Variants in NLE1 observed in about 807,000 individuals in gnomAD.
NLE1 encodes notchless protein homolog 1.
Under a neutral mutation model 62.8 loss-of-function variants are expected in NLE1, and 37 were observed. The observed-to-expected ratio is 0.59, with a 90% CI of 0.45 to 0.78. NLE1 has a LOEUF of 0.78. NLE1 is among the 30% of genes least tolerant of loss of function. NLE1 has a pLI of 0.00. For synonymous variants in NLE1, 243 were observed against 253.0 expected (o/e 0.96, Z 0.37); for missense variants, 555 against 637.9 (o/e 0.87, Z 1.40).
rs746632705 is a variant in NLE1 at position 35,135,341 on chromosome 17, G to A, written c.1122C>T (p.Leu374=). 5 of 1,614,122 alleles carry A rather than the reference G, an allele frequency of 3.1e-6. No individual in the cohort carries two copies. In the South Asian group the frequency reaches 4.4e-5, roughly 14 times the overall value. ...PLTRMTGHQA[L]INQVLFSPDS... ...CAGGAGAGAAGAGCACCTGGTTGATGAGAGCTTGGTGTCCTGTCATCCGAG... is the reference window on the plus strand; with the variant it reads ...CAGGAGAGAAGAGCACCTGGTTGATAAGAGCTTGGTGTCCTGTCATCCGAG... Residue 374 remains leucine (L), a synonymous_variant, in exon 10 of 13, where the codon CTC becomes CTT. Transcript: ENST00000442241.
At chr17:35,133,815 A>G (rs533411059) in intron 10 of NLE1, among the ~76,000 whole-genome samples, 21 of 152,160 alleles carry the variant, frequency 1.4e-4, no homozygotes, top group Non-Finnish European at 2.6e-4. Context: ...TCATCCCCCC[A>G]AACAGCAAGT....
intron 4 of NLE1, 55 bp from the exon 5 acceptor site, chr17:35,137,945 GC>G: frequency 1.5e-6 from 2 of 1,306,890 alleles, no homozygotes; most frequent in Non-Finnish European, 1.1e-6. Context: ...TATCCCAAGT[GC>G]CCAGCAGTGC....
rs3736144 is a variant in NLE1 at position 35,129,340 on chromosome 17, G to T, written c.*3097C>A. 1.3e-6 allele frequency: 2 copies of T among 1,545,950 alleles called. No individual in the cohort carries two copies. The highest frequency in any genetic ancestry group is 1.8e-6 in the Non-Finnish European group (2 of 1,138,608). On this transcript the variant is annotated 3_prime_UTR_variant, in exon 13 of 13. Coordinates refer to ENST00000442241, the MANE Select transcript of NLE1 (RefSeq NM_018096.5). Reference sequence around the variant, plus strand: ...CAGGAGCAGGGGATGGGCATGGGACGTCCTGACCCCAGTTGGGAGGGTGAA... The same window carrying T: ...CAGGAGCAGGGGATGGGCATGGGACTTCCTGACCCCAGTTGGGAGGGTGAA...
chr17:35,129,454 G>A lies in NLE1; in HGVS notation c.*2983C>T, dbSNP rs199964483. 4.4e-4 allele frequency: 703 copies of A among 1,613,952 alleles called. 2 individuals carry two copies. Among genetic ancestry groups the A allele is most frequent in the Non-Finnish European group, 5.4e-4 (637 of 1,179,968 alleles). ...GGACCTACGCCTTGGGCAAGCAGCCGGTCAGTTTCTACCAGCTCCTGTTAC... is the reference window on the plus strand; with the variant it reads ...GGACCTACGCCTTGGGCAAGCAGCCAGTCAGTTTCTACCAGCTCCTGTTAC... On this transcript the variant is annotated 3_prime_UTR_variant, in exon 13 of 13. Transcript: ENST00000442241.
At chr17:35,136,921 G>A in intron 7 of NLE1, 80 bp downstream of exon 7, 1 of 1,306,094 alleles carries the variant, frequency 7.7e-7, no homozygotes, top group Middle Eastern at 2.0e-4. Flanking sequence ...TGGACTCGCT[G>A]ATGTCAAGGT....
intron 12 of NLE1, 54 bp downstream of exon 12, chr17:35,133,117 G>A (rs2091886996): frequency 7.3e-6 from 11 of 1,514,076 alleles, no homozygotes; most frequent in South Asian, 1.1e-5. Context: ...TGCACAGAAG[G>A]ACCTTAGGGG....
rs2091908891 is a variant in NLE1 at position 35,136,395 on chromosome 17, C to T, written c.931G>A (p.Ala311Thr). Residue 311 changes from alanine to threonine, a missense_variant, in exon 8 of 13, where the codon GCC (alanine) becomes ACC (threonine). By Grantham distance (58) the Ala-to-Thr change is moderately conservative (BLOSUM62 0). Transcript: ENST00000442241. ...TGGAGGTCTTGGGGATTAACTGAGG[C>T]CTCAGCAGGTTCAAAGGCCCCAGTG... ...LRTGAFEPAEASVNPQDLQGS... is the reference protein window; with the variant it reads ...LRTGAFEPAETSVNPQDLQGS... 1 of 1,614,048 alleles carries T rather than the reference C, an allele frequency of 6.2e-7. No homozygotes were observed. Among genetic ancestry groups the T allele is most frequent in the Non-Finnish European group, 8.5e-7 (1 of 1,179,924 alleles).
Position 35,130,525 on chromosome 17 carries a change from C to A in NLE1, c.*1912G>T, listed in dbSNP as rs926054769. 1.5e-6 allele frequency: 2 copies of A among 1,371,412 alleles called. No individual in the cohort carries two copies. The highest frequency in any genetic ancestry group is 2.0e-6 in the Non-Finnish European group (2 of 1,000,770). The allele number at this position is 1,371,412 out of a possible 1,614,324, so 85.0% of individuals were successfully genotyped here. The stretch of plus-strand genomic sequence containing the variant: ...GCCATGAGACCTACCATACCACCAG[C>A]ACCCTGCGGGCCCGGGGTCTGGCAG... On this transcript the variant is annotated 3_prime_UTR_variant, in exon 13 of 13. Coordinates refer to ENST00000442241, the MANE Select transcript of NLE1 (RefSeq NM_018096.5).
Position 35,130,280 on chromosome 17 carries a change from A to T in NLE1, c.*2157T>A. 3 of 1,613,328 alleles carry T rather than the reference A, an allele frequency of 1.9e-6. No individual in the cohort carries two copies. Among genetic ancestry groups the T allele is most frequent in the Non-Finnish European group, 2.5e-6 (3 of 1,179,606 alleles). ...CTGAAGGGTTTTCTTGTTTCACTTCAGTTTGCAACCCTGGCCACTGACTTC... is the reference window on the plus strand; with the variant it reads ...CTGAAGGGTTTTCTTGTTTCACTTCTGTTTGCAACCCTGGCCACTGACTTC... On this transcript the variant is annotated 3_prime_UTR_variant, in exon 13 of 13. Transcript: ENST00000442241.
chr17:35,139,325 A>G lies in NLE1; in HGVS notation c.381-11T>C. 6.2e-7 allele frequency: 1 copy of G among 1,612,120 alleles called. No homozygotes were observed. ...CCACTGGCCAGGTACCTGGGGAAGA[A>G]GAGAGGATGCTTGACACTGCACATG... is the stretch of plus-strand genomic sequence containing the variant. On this transcript the variant is annotated splice_polypyrimidine_tract_variant and intron_variant, in intron 3 of 12. Coordinates refer to ENST00000442241, the MANE Select transcript of NLE1 (RefSeq NM_018096.5).
In NLE1 at chr17:35,135,292, A is replaced by C. The variant is rs574233075; in HGVS notation, c.1171T>G (p.Ser391Ala). Residue 391 changes from serine (S) to alanine (A), a missense_variant, in exon 10 of 13, where the codon TCC becomes GCC. Transcript: ENST00000442241. ...CACAGCTTGATGGACTTGTCAAAGG[A>C]GGCACTAGCCACGATGCGGGAGTCA... ...SPDSRIVASA[S>A]FDKSIKLWDG... 6.2e-7 allele frequency: 1 copy of C among 1,614,150 alleles called. No individual in the cohort carries two copies. The highest frequency in any genetic ancestry group is 1.7e-5 in the Admixed American group (1 of 60,012).
In NLE1 at chr17:35,128,975, T is replaced by G. The variant is rs1157084351; in HGVS notation, c.*3462A>C. ...CCCTCCCATACAATTCACAATAGGG[T>G]TCACGTGCCTATGGGAATCTAATGC... On this transcript the variant is annotated 3_prime_UTR_variant, in exon 13 of 13. Coordinates refer to ENST00000442241, the MANE Select transcript of NLE1 (RefSeq NM_018096.5). 1.2e-5 allele frequency: 2 copies of G among 173,640 alleles called. No homozygotes were observed. Among genetic ancestry groups the G allele is most frequent in the Non-Finnish European group, 2.5e-5 (2 of 80,152 alleles). The allele number at this position is 173,640 out of a possible 1,614,324, so 10.8% of individuals were successfully genotyped here. A position where few individuals can be genotyped will look rare whatever the true frequency, so the allele number is the denominator to read the frequency against.
chr17:35,129,425 T>G lies in NLE1; in HGVS notation c.*3012A>C, dbSNP rs931302218. The G allele has an allele frequency of 1.9e-6, 3 of 1,613,240 alleles. No individual in the cohort carries two copies. Among genetic ancestry groups the G allele is most frequent in the Non-Finnish European group, 2.5e-6 (3 of 1,179,388 alleles). On this transcript the variant is annotated 3_prime_UTR_variant, in exon 13 of 13. Transcript: ENST00000442241. Reference sequence around the variant, plus strand: ...TCGGGGCTCTCTCTTCCCCTAGATTTCCTGGACCTACGCCTTGGGCAAGCA... The same window carrying G: ...TCGGGGCTCTCTCTTCCCCTAGATTGCCTGGACCTACGCCTTGGGCAAGCA...
In NLE1 at chr17:35,130,208, G is replaced by A; in HGVS notation, c.*2229C>T. On this transcript the variant is annotated 3_prime_UTR_variant, in exon 13 of 13. Coordinates refer to ENST00000442241, the MANE Select transcript of NLE1 (RefSeq NM_018096.5). ...TGAGTCAGCAGACAGAAAAAAAAGG[G>A]GTGATAGAGACAGAGAGAGAGCCAG... 3.2e-6 allele frequency: 5 copies of A among 1,555,376 alleles called. No homozygotes were observed. Among genetic ancestry groups the A allele is most frequent in the East Asian group, 2.3e-5 (1 of 44,358 alleles).
rs1308761439 is a variant in NLE1 at position 35,129,653 on chromosome 17, T to C, written c.*2784A>G. ...TGGGGTGGGGAAGTGGTGCAAGCCC[T>C]ACAAAGTGAGCCCTGGGAAAAGAGG... is the stretch of plus-strand genomic sequence containing the variant. On this transcript the variant is annotated 3_prime_UTR_variant, in exon 13 of 13. Transcript: ENST00000442241. 1 of 1,613,350 alleles carries C rather than the reference T, an allele frequency of 6.2e-7. No individual in the cohort carries two copies. The highest frequency in any genetic ancestry group is 8.5e-7 in the Non-Finnish European group (1 of 1,179,840).
At position 35,129,472 on chromosome 17, in the gene NLE1, C is replaced by T. The variant is rs1283061649; in HGVS notation, c.*2965G>A. 6.2e-7 allele frequency: 1 copy of T among 1,614,084 alleles called. No individual in the cohort carries two copies. Among genetic ancestry groups the T allele is most frequent in the African/African-American group, 1.3e-5 (1 of 74,924 alleles). On this transcript the variant is annotated 3_prime_UTR_variant, in exon 13 of 13. Transcript: ENST00000442241. ...AGCAGCCGGTCAGTTTCTACCAGCT[C>T]CTGTTACAGGAGGTGGCCAAGACAC...
chr17:35,135,001 A>T, intron 10 of NLE1: 1 of 584,578 alleles, frequency 1.7e-6, no homozygotes, highest in Non-Finnish European at 3.2e-6. Context: ...GTAATGAGCC[A>T]AGATCGTGCC....
Position 35,129,948 on chromosome 17 carries a change from G to T in NLE1, c.*2489C>A. On this transcript the variant is annotated 3_prime_UTR_variant, in exon 13 of 13. Coordinates refer to ENST00000442241, the MANE Select transcript of NLE1 (RefSeq NM_018096.5). ...ACTCTGCAATTCAGTGCCCATGATT[G>T]TGAGTAGGCTGGGAAGTCAAGGGCA... The T allele has an allele frequency of 7.3e-7, 1 of 1,373,900 alleles. No homozygotes were observed. Among genetic ancestry groups the T allele is most frequent in the South Asian group, 1.7e-5 (1 of 59,530 alleles). 85.1% of individuals were successfully genotyped at this position (1,373,900 alleles called of 1,614,324 possible).
In NLE1 at chr17:35,141,995, T is replaced by C. The variant is rs572730812; in HGVS notation, c.146A>G (p.Asn49Ser). ...ITPDRLQLVC[N>S]ALLAQEDPLP... Reference sequence around the variant, plus strand: ...GCCACTTACCTGGGCCAGTAGCGCGTTGCACACGAGCTGCAGCCTGTCCGG... The same window carrying C: ...GCCACTTACCTGGGCCAGTAGCGCGCTGCACACGAGCTGCAGCCTGTCCGG... The change falls in exon 2 of 13, where the codon AAC (asparagine) becomes AGC (serine). Residue 49 changes from asparagine (N) to serine (S), a missense_variant. Physicochemically the swap from Asn to Ser is conservative, Grantham distance 46 (BLOSUM62 1). Transcript: ENST00000442241. 1.6e-5 allele frequency: 25 copies of C among 1,592,228 alleles called. No homozygotes were observed. The East Asian group carries it at 2.5e-4, about 16-fold the overall frequency.
Sources: allele counts gnomAD v4.1 joint callset (sites outside exome capture counted in the v4.1 genomes callset), GRCh38; gene constraint gnomAD v4.1.1; transcripts MANE v1.5; gene names NCBI Gene and HGNC (gene_info 2026-07-23, HGNC 2026-07-21).